The following CDH2 variants were observed in gnomAD, a reference collection of about 807,000 sequenced individuals.
The protein encoded by CDH2 is cadherin-2.
A neutral mutation model predicts 92.0 loss-of-function variants in CDH2; 17 were observed. That is an observed-to-expected ratio of 0.18 (90% CI 0.13 to 0.28). The LOEUF (loss-of-function observed/expected upper bound fraction) is 0.28. Among genes scored for constraint, CDH2 ranks in the 10% least tolerant of loss-of-function variants. The pLI is 1.00. For missense variants in CDH2, 862 were observed against 1,133.1 expected, an observed-to-expected ratio of 0.76 and a Z score of 3.44; for synonymous variants, 419 against 415.9, an observed-to-expected ratio of 1.01 and a Z score of -0.09.
At chr18:27,993,463 C>T (rs1237034116) in intron 8 of CDH2, 37 bp downstream of exon 8, 1 of 1,593,514 alleles carries the variant, frequency 6.3e-7, no homozygotes, top group Non-Finnish European at 8.6e-7. Flanking sequence ...TAACGAACTA[C>T]AGACCCAAAG....
intron 2 of CDH2, among the ~76,000 whole-genome samples, chr18:28,089,709 TAAAAC>T (rs1375164458): frequency 6.6e-6 from 1 of 152,200 alleles, no homozygotes; most frequent in East Asian, 1.9e-4. Flanking sequence ...CTGGTTTTCT[TAAAAC>T]AAGATTAAAG....
chr18:27,932,983 A>G (rs1172932662), exon 7 of CDH2, among the ~76,000 whole-genome samples: 2 of 152,154 alleles, frequency 1.3e-5, no homozygotes, highest in African/African-American at 4.8e-5. Flanking sequence ...TAAAATATTA[A>G]TTGTTGACCC....
rs148098347 is a variant in CDH2 at position 28,130,074 on chromosome 18, C to T, written c.172+17599G>A. Reference sequence around the variant, plus strand: ...AGATACACAATCACCATGCCTGTACCTCACAGATGATTGTAGAGCATAAAG... The same window carrying T: ...AGATACACAATCACCATGCCTGTACTTCACAGATGATTGTAGAGCATAAAG... On this transcript the variant is annotated intron_variant, in intron 2 of 15. Coordinates refer to ENST00000269141, the MANE Select transcript of CDH2 (RefSeq NM_001792.5). 1.2e-3 allele frequency among the ~76,000 whole-genome samples: 182 copies of T among 152,272 alleles called. 1 individual carries two copies. The highest frequency in any genetic ancestry group is 5.2e-3 in the Admixed American group (80 of 15,300).
intron 2 of CDH2, among the ~76,000 whole-genome samples, chr18:28,068,086 C>T (rs1250831863): frequency 6.6e-6 from 1 of 152,190 alleles, no homozygotes; most frequent in Non-Finnish European, 1.5e-5. Flanking sequence ...CCCCTCTTCC[C>T]TCCCTCCAAT....
intron 1 of CDH2, chr18:28,158,999 T>C (rs1253558378): frequency 6.6e-6 from 1 of 152,230 alleles, no homozygotes; most frequent in Non-Finnish European, 1.5e-5. Context: ...TTTTTCAGTT[T>C]AAATTCTCTA....
intron 2 of CDH2, among the ~76,000 whole-genome samples, chr18:28,083,764 C>A (rs1455745935): frequency 6.6e-6 from 1 of 152,144 alleles, no homozygotes; most frequent in Admixed American, 6.6e-5. Flanking sequence ...TGACTGAATT[C>A]ATGTTTTTCT....
At chr18:28,049,299 T>G (rs1271678592) in intron 2 of CDH2, among the ~76,000 whole-genome samples, 6 of 152,228 alleles carry the variant, frequency 3.9e-5, no homozygotes, top group Non-Finnish European at 8.8e-5. Context: ...GCTATGGGCA[T>G]GTACTATGTG....
At chr18:28,130,973 T>C (rs1374489231) in intron 2 of CDH2, among the ~76,000 whole-genome samples, 2 of 152,158 alleles carry the variant, frequency 1.3e-5, no homozygotes, top group Non-Finnish European at 2.9e-5. Context: ...ATCCATTCAA[T>C]GGAATCTTTA....
At chr18:27,956,563 A>G (rs2011250767) in intron 15 of CDH2, among the ~76,000 whole-genome samples, 1 of 152,142 alleles carries the variant, frequency 6.6e-6, no homozygotes, top group Non-Finnish European at 1.5e-5. Flanking sequence ...GGTCATCATT[A>G]TATCTTGCCT....
chr18:28,040,578 GC>G (rs2013929438), intron 2 of CDH2, among the ~76,000 whole-genome samples: 1 of 152,154 alleles, frequency 6.6e-6, no homozygotes, highest in Non-Finnish European at 1.5e-5. Flanking sequence ...ACCACAGGCA[GC>G]AAAAATGGCA....
chr18:27,947,803 G>A (rs17462609), downstream of CDH2, among the ~76,000 whole-genome samples: 851 of 8,596 alleles, frequency 0.099, 57 homozygotes, highest in East Asian at 0.51. Flanking sequence ...TATATGTGAT[G>A]TAAGTATATG....
intron 14 of CDH2, among the ~76,000 whole-genome samples, chr18:27,972,058 G>T (rs1344857964): frequency 6.6e-6 from 1 of 152,082 alleles, no homozygotes; most frequent in Non-Finnish European, 1.5e-5. Context: ...ACTCAGAAAA[G>T]TGGCGGGTTT....
At chr18:28,057,951 G>T (rs2014327385) in intron 2 of CDH2, among the ~76,000 whole-genome samples, 1 of 152,164 alleles carries the variant, frequency 6.6e-6, no homozygotes, top group Non-Finnish European at 1.5e-5. Flanking sequence ...TTGGTTTGGT[G>T]ATTGTTCTAG....
At chr18:28,049,774 A>C (rs1335770047) in intron 2 of CDH2, among the ~76,000 whole-genome samples, 1 of 152,248 alleles carries the variant, frequency 6.6e-6, no homozygotes, top group Non-Finnish European at 1.5e-5. Flanking sequence ...TTTAACCCGT[A>C]TGCAACTAAT....
In CDH2 at chr18:28,003,184, C is replaced by T; in HGVS notation, c.848-15G>A. The stretch of plus-strand genomic sequence containing the variant: ...CACATATGTTCCTAGAGACAGTGTA[C>T]ATGGAAAATGAATGGTTACCCTTCA... On this transcript the variant is annotated splice_polypyrimidine_tract_variant and intron_variant, in intron 6 of 15. Coordinates refer to ENST00000269141, the MANE Select transcript of CDH2 (RefSeq NM_001792.5). 6.3e-7 allele frequency: 1 copy of T among 1,597,860 alleles called. No homozygotes were observed. Among genetic ancestry groups the T allele is most frequent in the African/African-American group, 1.3e-5 (1 of 74,768 alleles).
chr18:28,073,552 T>C (rs1308219191), intron 2 of CDH2, among the ~76,000 whole-genome samples: 5 of 152,198 alleles, frequency 3.3e-5, no homozygotes, highest in Non-Finnish European at 5.9e-5. Flanking sequence ...GGTGGGGGGA[T>C]AGTGTTACTA....
Position 28,025,504 on chromosome 18 carries a change from C to T in CDH2, c.173-11595G>A, listed in dbSNP as rs527890978. On this transcript the variant is annotated intron_variant, in intron 2 of 15. Coordinates refer to ENST00000269141, the MANE Select transcript of CDH2 (RefSeq NM_001792.5). ...CTGAACTCCAACCTGGGTGACAGAGCGAGACTGTCTCCAGAAAAAAAATAA... is the reference window on the plus strand; with the variant it reads ...CTGAACTCCAACCTGGGTGACAGAGTGAGACTGTCTCCAGAAAAAAAATAA... Among the ~76,000 whole-genome samples the T allele has an allele frequency of 1.3e-4, 19 of 150,698 alleles. No individual in the cohort carries two copies. In the South Asian group the frequency reaches 3.6e-3, roughly 28 times the overall value.
At chr18:27,976,286 T>G (rs1007897253) in intron 14 of CDH2, among the ~76,000 whole-genome samples, 1 of 152,180 alleles carries the variant, frequency 6.6e-6, no homozygotes, top group Non-Finnish European at 1.5e-5. Flanking sequence ...GGGTTCCAGT[T>G]TCTATCAATT....
At chr18:28,170,046 AG>A (rs2016442036) in intron 1 of CDH2, among the ~76,000 whole-genome samples, 1 of 152,212 alleles carries the variant, frequency 6.6e-6, no homozygotes, top group Admixed American at 6.5e-5. Context: ...ATAATCTCTC[AG>A]GCACTGAGAA....
Sources: gnomAD v4.1 joint callset for allele counts (sites outside exome capture counted in the v4.1 genomes callset) on GRCh38, gnomAD v4.1.1 for gene constraint, MANE v1.5 for transcripts, NCBI Gene and HGNC (gene_info 2026-07-23, HGNC 2026-07-21) for gene names.